TBC1D22A: variants seen among roughly 807,000 people sequenced by gnomAD.
TBC1D22A encodes putative GTPase activator.
TBC1D22A carries 38 observed loss-of-function variants against 60.2 expected under a neutral mutation model. The observed-to-expected ratio is 0.63, with a 90% CI of 0.49 to 0.83. TBC1D22A has a LOEUF of 0.83. TBC1D22A is among the 40% of genes least tolerant of loss of function. TBC1D22A has a pLI of 0.00. For missense variants in TBC1D22A, 628 were observed against 701.0 expected, an observed-to-expected ratio of 0.90 and a Z score of 1.18; for synonymous variants, 302 against 281.7, an observed-to-expected ratio of 1.07 and a Z score of -0.72.
At chr22:47,083,076 C>T (rs542924603) in intron 11 of TBC1D22A, among the ~76,000 whole-genome samples, 26 of 152,230 alleles carry the variant, frequency 1.7e-4, no homozygotes, top group South Asian at 1.7e-3. Context: ...GAAAACATAC[C>T]GCCTGATTTC....
intron 11 of TBC1D22A, among the ~76,000 whole-genome samples, chr22:47,062,234 A>C (rs1389551871): frequency 1.3e-5 from 2 of 152,216 alleles, no homozygotes; most frequent in Non-Finnish European, 2.9e-5. Flanking sequence ...GAAACTTGCT[A>C]GAAAAGCACA....
chr22:46,897,351 A>C (rs2147650275), intron 7 of TBC1D22A, among the ~76,000 whole-genome samples: 1 of 152,172 alleles, frequency 6.6e-6, no homozygotes, highest in Middle Eastern at 3.4e-3. Context: ...TATCAGTCTG[A>C]TTGGTTGCAG....
rs777058155 is a variant in TBC1D22A at position 46,762,705 on chromosome 22, G to A, written c.-82G>A. The A allele has an allele frequency of 3.2e-6, 4 of 1,266,152 alleles. No homozygotes were observed. The highest frequency in any genetic ancestry group is 3.2e-5 in the East Asian group (1 of 31,654). 78.4% of individuals were successfully genotyped at this position (1,266,152 alleles called of 1,614,324 possible). On this transcript the variant is annotated 5_prime_UTR_variant, in exon 1 of 13. Transcript: ENST00000337137. Reference sequence around the variant, plus strand: ...TCCCGGGAGCAGTGAGGGGCCACCCGGGGCACAGGAAAGGGCCGCTAGGGG... The same window carrying A: ...TCCCGGGAGCAGTGAGGGGCCACCCAGGGCACAGGAAAGGGCCGCTAGGGG...
intron 8 of TBC1D22A, chr22:46,915,134 G>A (rs1022290796): frequency 6.0e-6 from 2 of 335,266 alleles, no homozygotes; most frequent in African/African-American, 4.3e-5. Context: ...TCGAGTCCCA[G>A]GGGTGTGCGA....
intron 10 of TBC1D22A, among the ~76,000 whole-genome samples, chr22:47,033,952 G>C (rs1178284600): frequency 1.3e-5 from 2 of 152,100 alleles, no homozygotes; most frequent in East Asian, 3.9e-4. Flanking sequence ...ACACCTCCTG[G>C]CACCCCCTTT....
chr22:47,019,652 G>C (rs952101573), intron 10 of TBC1D22A, among the ~76,000 whole-genome samples: 1 of 152,046 alleles, frequency 6.6e-6, no homozygotes, highest in Non-Finnish European at 1.5e-5. Flanking sequence ...TAGAGACGTT[G>C]TGGGCAGTGG....
At chr22:46,943,575 C>A (rs2072317133) in intron 8 of TBC1D22A, among the ~76,000 whole-genome samples, 1 of 152,180 alleles carries the variant, frequency 6.6e-6, no homozygotes, top group South Asian at 2.1e-4. Context: ...CCGCCTGGTC[C>A]ATCTGTCTGT....
chr22:46,972,219 C>G (rs1569290233), intron 8 of TBC1D22A, among the ~76,000 whole-genome samples: 1 of 152,226 alleles, frequency 6.6e-6, no homozygotes, highest in East Asian at 1.9e-4. Flanking sequence ...GACTCCGACA[C>G]CTAACATTGA....
intron 12 of TBC1D22A, among the ~76,000 whole-genome samples, chr22:47,123,814 G>A (rs2066357835): frequency 1.3e-5 from 2 of 152,224 alleles, no homozygotes; most frequent in South Asian, 2.1e-4. Flanking sequence ...GCGGGTTGCT[G>A]CATGTGTGAA....
chr22:46,844,835 T>C (rs2086921546), intron 4 of TBC1D22A, among the ~76,000 whole-genome samples: 1 of 152,168 alleles, frequency 6.6e-6, no homozygotes, highest in Non-Finnish European at 1.5e-5. Context: ...TACTGGGCTC[T>C]TAAGTGGAGA....
chr22:47,162,358 A>T (rs2068017511), intron 12 of TBC1D22A, among the ~76,000 whole-genome samples: 1 of 151,966 alleles, frequency 6.6e-6, no homozygotes, highest in African/African-American at 2.4e-5. Context: ...TGTGCGTTCA[A>T]TCTCAGGTCC....
chr22:46,840,599 A>G (rs922437331), intron 4 of TBC1D22A, among the ~76,000 whole-genome samples: 2 of 151,874 alleles, frequency 1.3e-5, no homozygotes, highest in East Asian at 1.9e-4. Flanking sequence ...TGGGCATGGT[A>G]GTGTGCGCCT....
intron 8 of TBC1D22A, among the ~76,000 whole-genome samples, chr22:46,962,364 C>T (rs1042915592): frequency 6.6e-6 from 1 of 152,228 alleles, no homozygotes. Flanking sequence ...GGTCAAGGTG[C>T]TGATAAGGGA....
intron 4 of TBC1D22A, among the ~76,000 whole-genome samples, chr22:46,830,059 G>A (rs1460970803): frequency 1.3e-5 from 2 of 152,248 alleles, no homozygotes; most frequent in African/African-American, 4.8e-5. Context: ...AGAGCCCTGG[G>A]TGGGGAAAGG....
chr22:47,155,591 C>G (rs960097488), intron 12 of TBC1D22A, among the ~76,000 whole-genome samples: 6 of 151,896 alleles, frequency 4.0e-5, no homozygotes, highest in African/African-American at 7.3e-5. Context: ...TCGTCACTGA[C>G]AGAACTCAAA....
chr22:46,782,621 C>T (rs997964842), intron 1 of TBC1D22A, among the ~76,000 whole-genome samples: 4 of 152,172 alleles, frequency 2.6e-5, no homozygotes, highest in African/African-American at 9.7e-5. Flanking sequence ...CAACGCTGTA[C>T]CTGTTAGCAT....
chr22:47,075,496 A>G (rs2064170087), intron 11 of TBC1D22A, among the ~76,000 whole-genome samples: 1 of 152,170 alleles, frequency 6.6e-6, no homozygotes, highest in Non-Finnish European at 1.5e-5. Flanking sequence ...CGTCCTGGGC[A>G]TATAGCAAAA....
chr22:46,887,748 C>T (rs760636938), intron 5 of TBC1D22A, among the ~76,000 whole-genome samples: 4 of 152,092 alleles, frequency 2.6e-5, no homozygotes, highest in Non-Finnish European at 4.4e-5. Flanking sequence ...GTGGTATTGA[C>T]GGATGTGTTC....
intron 10 of TBC1D22A, among the ~76,000 whole-genome samples, chr22:47,036,418 C>G (rs1475080657): frequency 2.6e-5 from 4 of 152,102 alleles, no homozygotes; most frequent in Non-Finnish European, 5.9e-5. Context: ...GCAAAGCTGC[C>G]GCCCACCACA....
Sources: allele counts gnomAD v4.1 joint callset (sites outside exome capture counted in the v4.1 genomes callset), GRCh38; gene constraint gnomAD v4.1.1; transcripts MANE v1.5; gene names NCBI Gene and HGNC (gene_info 2026-07-23, HGNC 2026-07-21).